Variants in CWF19L2 observed in about 807,000 individuals in gnomAD.
The protein encoded by CWF19L2 is CWF19 like cell cycle control factor 2.
In CWF19L2, 98 loss-of-function variants were observed where a neutral mutation model predicts 111.7. The ratio of observed to expected loss-of-function variants is 0.88; its 90% CI spans 0.75 to 1.04. The LOEUF is 1.04. Among genes scored for constraint, CWF19L2 ranks in the 50% least tolerant of loss-of-function variants. The pLI, the probability that CWF19L2 is intolerant of heterozygous loss-of-function variation, is 0.00. For synonymous variants in CWF19L2, 351 were observed against 342.9 expected (o/e 1.02, Z -0.26); for missense variants, 1,101 against 1,051.4 (o/e 1.05, Z -0.65).
chr11:107,442,772 AAGGAAGGAAGGAAGGAAGGAAGGG>A (rs1356518058), intron 4 of CWF19L2, among the ~76,000 whole-genome samples, 143 bp downstream of exon 4: 1,929 of 48,962 alleles, frequency 0.039, 93 homozygotes, highest in African/African-American at 0.14. Flanking sequence ...GGAAGGAAGG[AAGGAAGGAAGGAAGGAAGGAAGGG>A]AGGGAGGGAG....
At chr11:107,353,363 A>T (rs1860185318) in intron 13 of CWF19L2, among the ~76,000 whole-genome samples, 161 bp downstream of exon 13, 1 of 152,212 alleles carries the variant, frequency 6.6e-6, no homozygotes, top group Non-Finnish European at 1.5e-5. Context: ...TACAATGGAG[A>T]ACAAAAGTTA....
chr11:107,375,555 G>C (rs1299229887), intron 12 of CWF19L2, among the ~76,000 whole-genome samples: 1 of 136,882 alleles, frequency 7.3e-6, no homozygotes. Context: ...CAGAAATAAA[G>C]ATGTTCTTCG....
intron 7 of CWF19L2, among the ~76,000 whole-genome samples, 191 bp from the exon 8 acceptor site, chr11:107,429,642 T>C (rs1357525316): frequency 1.3e-5 from 2 of 152,046 alleles, no homozygotes; most frequent in Non-Finnish European, 2.9e-5. Context: ...AATTAAAAAT[T>C]ATTAAATAAC....
At chr11:107,437,862 C>T (rs1861564558) in intron 6 of CWF19L2, among the ~76,000 whole-genome samples, 1 of 152,148 alleles carries the variant, frequency 6.6e-6, no homozygotes, top group African/African-American at 2.4e-5. Flanking sequence ...AAGCCTAGAT[C>T]ATAAAAACAG....
intron 3 of CWF19L2, among the ~76,000 whole-genome samples, chr11:107,453,820 C>T (rs751430758): frequency 1.3e-5 from 2 of 151,916 alleles, no homozygotes; most frequent in South Asian, 2.1e-4. Context: ...AGTCCCAGGC[C>T]GGGCAGCTGA....
intron 8 of CWF19L2, among the ~76,000 whole-genome samples, chr11:107,423,928 A>C (rs1387566362): frequency 2.3e-5 from 1 of 44,342 alleles, no homozygotes; most frequent in African/African-American, 1.0e-4. Context: ...ATATATGAGC[A>C]AAAAAAAAAA....
At chr11:107,424,071 G>A (rs1470967950) in intron 8 of CWF19L2, among the ~76,000 whole-genome samples, 1 of 151,654 alleles carries the variant, frequency 6.6e-6, no homozygotes, top group Admixed American at 6.6e-5. Flanking sequence ...AGATCAAGGG[G>A]ATCACCAATA....
chr11:107,327,660 A>C (rs665203), intron 17 of CWF19L2, among the ~76,000 whole-genome samples: 2,359 of 152,280 alleles, frequency 0.015, 56 homozygotes, highest in African/African-American at 0.054. Context: ...TCTGATTATT[A>C]TTCTTGATTT....
chr11:107,441,572 T>G lies in CWF19L2; in HGVS notation c.501A>C (p.Ser167=), dbSNP rs773745598. 1 of 1,551,114 alleles carries G rather than the reference T, an allele frequency of 6.4e-7. No homozygotes were observed. The highest frequency in any genetic ancestry group is 2.4e-5 in the East Asian group (1 of 41,862). The change falls in exon 5 of 18, where the codon TCA becomes TCC. Residue 167 remains serine (S), a synonymous_variant. Transcript: ENST00000282251. The part of the protein sequence containing the change: ...VDFMSVKTVS[S]SSLKAEKETM... ...TTTCCTTTTCAGCTTTGAGTGATGA[T>G]GATGACACAGTTTTAACAGACATAA...
At chr11:107,385,600 C>T (rs373676483) in intron 12 of CWF19L2, among the ~76,000 whole-genome samples, 5 of 152,154 alleles carry the variant, frequency 3.3e-5, no homozygotes, top group African/African-American at 1.2e-4. Context: ...AATACAGTAA[C>T]CCCCCTTTAC....
chr11:107,445,809 G>A (rs1472743171), intron 3 of CWF19L2, among the ~76,000 whole-genome samples: 1 of 152,122 alleles, frequency 6.6e-6, no homozygotes, highest in African/African-American at 2.4e-5. Flanking sequence ...TACAAAGACT[G>A]CTAGTTATCC....
At chr11:107,363,216 C>T (rs149186859) in intron 12 of CWF19L2, among the ~76,000 whole-genome samples, 1 of 151,918 alleles carries the variant, frequency 6.6e-6, no homozygotes. Flanking sequence ...CTGAAAGTGA[C>T]AGGGAGAATG....
At chr11:107,359,085 T>C (rs919029832) in intron 12 of CWF19L2, among the ~76,000 whole-genome samples, 9 of 152,180 alleles carry the variant, frequency 5.9e-5, no homozygotes, top group Non-Finnish European at 2.9e-5. Flanking sequence ...AAGTTACACA[T>C]GAGCTTACCA....
chr11:107,372,341 A>T lies in CWF19L2; in HGVS notation c.1872+17733T>A, dbSNP rs1027868494. On this transcript the variant is annotated intron_variant, in intron 12 of 17. Coordinates refer to ENST00000282251, the MANE Select transcript of CWF19L2 (RefSeq NM_152434.3). Reference sequence around the variant, plus strand: ...GAGATTTGTATGAATATTCTGTTTAATCAACTAGATAAAGGGGGATAAAAG... The same window carrying T: ...GAGATTTGTATGAATATTCTGTTTATTCAACTAGATAAAGGGGGATAAAAG... 1.9e-4 allele frequency among the ~76,000 whole-genome samples: 25 copies of T among 130,686 alleles called. 2 individuals carry two copies. The highest frequency in any genetic ancestry group is 1.7e-3 in the Admixed American group (22 of 13,280). The allele number at this position is 130,686 out of a possible 152,430, so 85.7% of individuals were successfully genotyped here.
intron 2 of CWF19L2, among the ~76,000 whole-genome samples, chr11:107,454,864 T>C (rs79527219): frequency 0.013 from 1,953 of 152,260 alleles, 31 homozygotes; most frequent in African/African-American, 0.044. Flanking sequence ...TAAACACATA[T>C]ATACACAAAC....
chr11:107,419,122 G>T (rs1462760458), intron 8 of CWF19L2, among the ~76,000 whole-genome samples: 1 of 152,186 alleles, frequency 6.6e-6, no homozygotes, highest in Admixed American at 6.5e-5. Context: ...CTAGCCCAGA[G>T]GATTGGAGGT....
chr11:107,396,099 T>A (rs1004125591), intron 10 of CWF19L2, among the ~76,000 whole-genome samples: 1 of 152,096 alleles, frequency 6.6e-6, no homozygotes, highest in African/African-American at 2.4e-5. Context: ...CAAGACAGAG[T>A]GCATCTAACC....
At chr11:107,440,528 T>C (rs958915182) in intron 5 of CWF19L2, among the ~76,000 whole-genome samples, 1 of 152,146 alleles carries the variant, frequency 6.6e-6, no homozygotes, top group African/African-American at 2.4e-5. Flanking sequence ...TCAATATCTA[T>C]AGTCAAGGAA....
At position 107,457,747 on chromosome 11, in the gene CWF19L2, G is replaced by T; in HGVS notation, c.70C>A (p.Gln24Lys). The T allele has an allele frequency of 1.9e-6, 3 of 1,551,692 alleles. No individual in the cohort carries two copies. Among genetic ancestry groups the T allele is most frequent in the Admixed American group, 2.0e-5 (1 of 51,002 alleles). Reference sequence around the variant, plus strand: ...ACCTCGGCCCTGGCATTCCGGGTCTGTTCTTTCCGCTCTTCGATACTCTTC... The same window carrying T: ...ACCTCGGCCCTGGCATTCCGGGTCTTTTCTTTCCGCTCTTCGATACTCTTC... The part of the protein sequence containing the change: ...SAKSIEERKE[Q>K]TRNARAEVLR... The change falls in exon 1 of 18, where the codon CAG becomes AAG. Residue 24 changes from glutamine (Q) to lysine (K), a missense_variant. By Grantham distance (53) the Gln-to-Lys change is moderately conservative (BLOSUM62 1). Transcript: ENST00000282251.
Sources: allele counts gnomAD v4.1 joint callset (sites outside exome capture counted in the v4.1 genomes callset), GRCh38; gene constraint gnomAD v4.1.1; transcripts MANE v1.5; gene names NCBI Gene and HGNC (gene_info 2026-07-23, HGNC 2026-07-21).